The following EIF6 variants were observed in gnomAD, a reference collection of about 807,000 sequenced individuals.
EIF6 encodes the protein B4 integrin interactor.
In EIF6, 10 loss-of-function variants were observed where a neutral mutation model predicts 25.5. The ratio of observed to expected loss-of-function variants is 0.39; its 90% CI spans 0.24 to 0.66. The LOEUF (loss-of-function observed/expected upper bound fraction) is 0.66, where lower values mean the gene tolerates loss of function less well. Among genes scored for constraint, EIF6 ranks in the 30% least tolerant of loss-of-function variants. EIF6 has a pLI of 0.45. For synonymous variants in EIF6, 122 were observed against 122.6 expected (o/e 1.00, Z 0.03); for missense variants, 246 against 315.4 (o/e 0.78, Z 1.67).
intron 1 of EIF6, 64 bp from the exon 2 acceptor site, chr20:35,284,556 T>G (rs1051644719): frequency 1.3e-6 from 2 of 1,531,198 alleles, no homozygotes; most frequent in South Asian, 2.5e-5. Flanking sequence ...CCGGCCTCCG[T>G]CCCTCAGGCC....
rs199696926 is a variant in EIF6 at position 35,280,670 on chromosome 20, T to C, written c.353A>G (p.His118Arg). The change falls in exon 4 of 7, where the codon CAC becomes CGC. Residue 118 changes from histidine (H) to arginine (R), a missense_variant. His to Arg is a conservative substitution (Grantham distance 29, BLOSUM62 0). Transcript: ENST00000374450. ...CTGCCTCACCCTGTCCAAGTCTGGGTGGACCAAGGCCACGTAGTCATTGCA... is the reference window on the plus strand; with the variant it reads ...CTGCCTCACCCTGTCCAAGTCTGGGCGGACCAAGGCCACGTAGTCATTGCA... ...TTCNDYVALV[H>R]PDLDRETEEI... 3.1e-6 allele frequency: 5 copies of C among 1,613,464 alleles called. No homozygotes were observed. The highest frequency in any genetic ancestry group is 4.2e-6 in the Non-Finnish European group (5 of 1,179,752).
At chr20:35,284,042 TGA>T in intron 3 of EIF6, 132 bp downstream of exon 3, 1 of 1,173,708 alleles carries the variant, frequency 8.5e-7, no homozygotes, top group Non-Finnish European at 1.2e-6. Context: ...ACGCTTGGCC[TGA>T]GAGATTCTAT....
intron 3 of EIF6, among the ~76,000 whole-genome samples, chr20:35,281,255 G>A (rs982263118): frequency 2.6e-5 from 4 of 151,628 alleles, no homozygotes; most frequent in African/African-American, 9.7e-5. Flanking sequence ...GCGTGGTGGC[G>A]GGCGCCTGTA....
chr20:35,284,298 G>A (rs1262560144), intron 2 of EIF6, 37 bp from the exon 3 acceptor site: 2 of 1,613,892 alleles, frequency 1.2e-6, no homozygotes, highest in East Asian at 4.5e-5. Flanking sequence ...CGGGGCAGAG[G>A]GGCCGGCACC....
At chr20:35,279,492 C>A in intron 6 of EIF6, 74 bp downstream of exon 6, 1 of 1,572,376 alleles carries the variant, frequency 6.4e-7, no homozygotes, top group South Asian at 1.2e-5. Context: ...TTCTAGATGA[C>A]ATCTTTTCCC....
intron 3 of EIF6, among the ~76,000 whole-genome samples, chr20:35,283,914 A>C (rs2060799244): frequency 6.6e-6 from 1 of 152,148 alleles, no homozygotes. Context: ...TAGGCCAGTA[A>C]CTCCTACCTT....
Position 35,284,434 on chromosome 20 carries a change from C to T in EIF6, c.54G>A (p.Lys18=). 3 of 1,613,612 alleles carry T rather than the reference C, an allele frequency of 1.9e-6. No homozygotes were observed. The highest frequency in any genetic ancestry group is 2.5e-6 in the Non-Finnish European group (3 of 1,179,676). The part of the protein sequence containing the change: ...ENNCEIGCFA[K]LTNTYCLVAI... ...CTACCAGACAGTAGGTGTTGGTGAG[C>T]TTGGCAAAGCAGCCGATCTCACAGT... Residue 18 remains lysine, a synonymous_variant, in exon 2 of 7, where the codon AAG becomes AAA. Transcript: ENST00000374450.
intron 3 of EIF6, 148 bp from the exon 4 acceptor site, chr20:35,280,977 C>T: frequency 2.2e-6 from 2 of 917,394 alleles, no homozygotes; most frequent in Non-Finnish European, 3.2e-6. Flanking sequence ...CTGGAAAACA[C>T]CCAGGGCAGG....
At chr20:35,284,155 G>A (rs763162088) in intron 3 of EIF6, 21 bp downstream of exon 3, 1 of 1,565,200 alleles carries the variant, frequency 6.4e-7, no homozygotes, top group South Asian at 1.2e-5. Context: ...TCCCTCCCTC[G>A]GCGTCCTCCA....
In EIF6 at chr20:35,279,729, C is replaced by T. The variant is rs2060755235; in HGVS notation, c.565G>A (p.Gly189Ser). The change falls in exon 6 of 7, where the codon GGC becomes AGC. Residue 189 changes from glycine to serine, a missense_variant. Transcript: ENST00000374450. ...ATCCCAGCAGCAATCACCTCACTGC[C>T]TCGGTTCACAGTCCCCGCCTGCCAA... ...VPLVAGTVNR[G>S]SEVIAAGMVV... The T allele has an allele frequency of 1.2e-6, 2 of 1,614,154 alleles. No individual in the cohort carries two copies. Among genetic ancestry groups the T allele is most frequent in the Non-Finnish European group, 1.7e-6 (2 of 1,180,018 alleles).
chr20:35,284,733 C>T lies in EIF6; in HGVS notation c.-13G>A. 2 of 558,484 alleles carry T rather than the reference C, an allele frequency of 3.6e-6. No homozygotes were observed. Among genetic ancestry groups the T allele is most frequent in the Non-Finnish European group, 6.4e-6 (2 of 314,232 alleles). The allele number at this position is 558,484 out of a possible 1,614,324, so 34.6% of individuals were successfully genotyped here. A position where few individuals can be genotyped will look rare whatever the true frequency, so the allele number is the denominator to read the frequency against. ...CCCCTCACACCAGCTTACCAAGTAA[C>T]CAGTAACAAGCTCCGCACGCGGCGA... On this transcript the variant is annotated 5_prime_UTR_variant, in exon 1 of 7. Transcript: ENST00000374450.
chr20:35,280,876 G>A, intron 3 of EIF6, 47 bp from the exon 4 acceptor site: 3 of 1,597,790 alleles, frequency 1.9e-6, no homozygotes, highest in African/African-American at 1.3e-5. Context: ...TGCCTGCTGA[G>A]CCCTAGGGGC....
chr20:35,284,753 C>A lies in EIF6; in HGVS notation c.-33G>T, dbSNP rs562050998. The A allele has an allele frequency of 7.8e-6, 4 of 513,592 alleles. No homozygotes were observed. The highest frequency in any genetic ancestry group is 1.4e-5 in the Non-Finnish European group (4 of 287,430). 31.8% of individuals were successfully genotyped at this position (513,592 alleles called of 1,614,324 possible). Reference sequence around the variant, plus strand: ...AGTAACCAGTAACAAGCTCCGCACGCGGCGACTGTACCTTGGACTCCCTAA... The same window carrying A: ...AGTAACCAGTAACAAGCTCCGCACGAGGCGACTGTACCTTGGACTCCCTAA... On this transcript the variant is annotated 5_prime_UTR_variant, in exon 1 of 7. Transcript: ENST00000374450.
chr20:35,283,229 T>A (rs918713647), intron 3 of EIF6, among the ~76,000 whole-genome samples: 1 of 151,874 alleles, frequency 6.6e-6, no homozygotes, highest in African/African-American at 2.4e-5. Flanking sequence ...AGTGTTGCAG[T>A]GAGCCAAGAT....
chr20:35,280,854 G>T (rs202008255), intron 3 of EIF6, 25 bp from the exon 4 acceptor site: 7 of 1,611,272 alleles, frequency 4.3e-6, no homozygotes, highest in Non-Finnish European at 5.9e-6. Flanking sequence ...ATTAGAGGGT[G>T]AATACACAAG....
chr20:35,281,556 C>T (rs1039686023), intron 3 of EIF6, among the ~76,000 whole-genome samples: 2 of 151,922 alleles, frequency 1.3e-5, no homozygotes, highest in African/African-American at 4.8e-5. Context: ...GGTGATTCTC[C>T]TGCTTCGGCC....
At position 35,279,946 on chromosome 20, in the gene EIF6, A is replaced by G; in HGVS notation, c.542T>C (p.Leu181Pro). Residue 181 changes from leucine (L) to proline (P), a missense_variant, in exon 5 of 7, where the codon CTT becomes CCT. By Grantham distance (98) the Leu-to-Pro change is moderately conservative (BLOSUM62 -3). Coordinates refer to ENST00000374450, the MANE Select transcript of EIF6 (RefSeq NM_002212.4). ...TCAGAGGACAGGAATGCTTACCACA[A>G]GGGGGACTTGAAGAAGAGAGGACAG... ...DELSSLLQVPLVAGTVNRGSE... is the reference protein window; with the variant it reads ...DELSSLLQVPPVAGTVNRGSE... 1.2e-6 allele frequency: 2 copies of G among 1,613,834 alleles called. No individual in the cohort carries two copies. The highest frequency in any genetic ancestry group is 8.5e-7 in the Non-Finnish European group (1 of 1,179,804).
chr20:35,279,031 G>T lies in EIF6; in HGVS notation c.*166C>A. 1 of 842,236 alleles carries T rather than the reference G, an allele frequency of 1.2e-6. No individual in the cohort carries two copies. Among genetic ancestry groups the T allele is most frequent in the Non-Finnish European group, 1.9e-6 (1 of 518,274 alleles). 52.2% of individuals were successfully genotyped at this position (842,236 alleles called of 1,614,324 possible). On this transcript the variant is annotated 3_prime_UTR_variant, in exon 7 of 7. Transcript: ENST00000374450. ...AGAGCAGGTTTTTGCAGTAATGATAGATCCAGGCGATAAGCACAGGTGGAA... is the reference window on the plus strand; with the variant it reads ...AGAGCAGGTTTTTGCAGTAATGATATATCCAGGCGATAAGCACAGGTGGAA...
At chr20:35,283,565 CA>C (rs2060795206) in intron 3 of EIF6, among the ~76,000 whole-genome samples, 2 of 152,110 alleles carry the variant, frequency 1.3e-5, no homozygotes, top group South Asian at 4.1e-4. Context: ...TTTAAGAGAC[CA>C]AGGTAAGAAG....
Sources: allele counts gnomAD v4.1 joint callset (sites outside exome capture counted in the v4.1 genomes callset), GRCh38; gene constraint gnomAD v4.1.1; transcripts MANE v1.5; gene names NCBI Gene and HGNC (gene_info 2026-07-23, HGNC 2026-07-21).